The following TTC27 variants were observed in gnomAD, a reference collection of about 807,000 sequenced individuals.
TTC27 encodes tetratricopeptide repeat protein 27.
A neutral mutation model predicts 115.9 loss-of-function variants in TTC27; 79 were observed. That is an observed-to-expected ratio of 0.68 (90% CI 0.57 to 0.82). The LOEUF is 0.82. TTC27 is among the 40% of genes least tolerant of loss of function. The pLI is 0.00. For synonymous variants in TTC27, 401 were observed against 356.0 expected, an observed-to-expected ratio of 1.13 and a Z score of -1.42; for missense variants, 1,054 against 993.1, an observed-to-expected ratio of 1.06 and a Z score of -0.82.
intron 10 of TTC27, among the ~76,000 whole-genome samples, chr2:32,709,118 T>C (rs955656847): frequency 6.6e-5 from 10 of 152,222 alleles, no homozygotes; most frequent in Admixed American, 3.9e-4. Context: ...TAAACATTGA[T>C]GAATGATAAA....
intron 5 of TTC27, among the ~76,000 whole-genome samples, chr2:32,654,220 A>G (rs1451231893): frequency 6.6e-6 from 1 of 152,212 alleles, no homozygotes; most frequent in Admixed American, 6.5e-5. Context: ...GCTTTTTGCA[A>G]GCTGGTCAGT....
intron 13 of TTC27, among the ~76,000 whole-genome samples, chr2:32,765,167 G>A (rs1669582369): frequency 6.6e-6 from 1 of 152,106 alleles, no homozygotes; most frequent in Admixed American, 6.5e-5. Flanking sequence ...TATGTATGGT[G>A]GCTATATACC....
intron 13 of TTC27, among the ~76,000 whole-genome samples, chr2:32,771,447 A>G (rs1384631655): frequency 6.6e-6 from 1 of 152,232 alleles, no homozygotes; most frequent in Non-Finnish European, 1.5e-5. Flanking sequence ...AATTATTTGA[A>G]AAGACTCAGC....
chr2:32,668,209 A>G (rs961243236), intron 7 of TTC27, among the ~76,000 whole-genome samples: 7 of 151,546 alleles, frequency 4.6e-5, no homozygotes, highest in Non-Finnish European at 1.0e-4. Flanking sequence ...GAAAATAAAC[A>G]AAAAAACAAA....
intron 12 of TTC27, among the ~76,000 whole-genome samples, 174 bp from the exon 13 acceptor site, chr2:32,758,118 A>G (rs998940876): frequency 2.0e-5 from 3 of 152,144 alleles, no homozygotes; most frequent in Non-Finnish European, 4.4e-5. Context: ...GTATGCCTGT[A>G]TTTATTTTGT....
rs149852587 is a variant in TTC27, at chr2:32,640,810, C to A, written c.537+400C>A. Among the ~76,000 whole-genome samples the A allele has an allele frequency of 2.0e-3, 298 of 152,108 alleles. 12 individuals are homozygous for A. The East Asian group carries it at 0.049, about 25-fold the overall frequency. Reference sequence around the variant, plus strand: ...CCAGCCTGGCTAACATGGTGAAACCCCATCTCTACTAAAAATACAAAATTA... The same window carrying A: ...CCAGCCTGGCTAACATGGTGAAACCACATCTCTACTAAAAATACAAAATTA... On this transcript the variant is annotated intron_variant, in intron 4 of 19. Coordinates refer to ENST00000317907, the MANE Select transcript of TTC27 (RefSeq NM_017735.5).
At chr2:32,668,485 G>A (rs1158564608) in intron 7 of TTC27, among the ~76,000 whole-genome samples, 3 of 148,722 alleles carry the variant, frequency 2.0e-5, no homozygotes, top group Admixed American at 6.7e-5. Flanking sequence ...AATTTTAATC[G>A]TTTTTTTGCT....
At chr2:32,723,321 C>T (rs756850561) in intron 10 of TTC27, among the ~76,000 whole-genome samples, 20 of 152,000 alleles carry the variant, frequency 1.3e-4, no homozygotes, top group Non-Finnish European at 2.5e-4. Context: ...AACATATGTA[C>T]CAGCTCTTGG....
chr2:32,662,708 T>C (rs899443022), intron 5 of TTC27, among the ~76,000 whole-genome samples: 1 of 152,176 alleles, frequency 6.6e-6, no homozygotes, highest in East Asian at 1.9e-4. Context: ...GTTAACCTTT[T>C]CAAAAAACCA....
chr2:32,773,695 G>A (rs1669903795), intron 13 of TTC27, among the ~76,000 whole-genome samples: 1 of 152,230 alleles, frequency 6.6e-6, no homozygotes, highest in Non-Finnish European at 1.5e-5. Flanking sequence ...TGTGTGGAAA[G>A]CTCATGGTGT....
At chr2:32,645,206 C>T (rs1664809383) in intron 4 of TTC27, among the ~76,000 whole-genome samples, 1 of 152,172 alleles carries the variant, frequency 6.6e-6, no homozygotes, top group Admixed American at 6.5e-5. Context: ...AACCCCTAAT[C>T]TGTGAAGTAT....
intron 9 of TTC27, among the ~76,000 whole-genome samples, chr2:32,682,841 A>ATTTTTTTTTTTTTTT (rs1559204114): frequency 1.3e-5 from 1 of 77,480 alleles, no homozygotes; most frequent in African/African-American, 5.6e-5. Flanking sequence ...GATAATTTTT[A>ATTTTTTTTTTTTTTT]TTGTTGTTTT....
chr2:32,757,910 C>T (rs1489480347), intron 12 of TTC27, among the ~76,000 whole-genome samples: 2 of 152,130 alleles, frequency 1.3e-5, no homozygotes, highest in East Asian at 3.9e-4. Flanking sequence ...CCATATTGGC[C>T]AGGCTGGTCT....
chr2:32,741,067 T>C (rs1036059978), intron 12 of TTC27, among the ~76,000 whole-genome samples: 1 of 152,244 alleles, frequency 6.6e-6, no homozygotes, highest in African/African-American at 2.4e-5. Flanking sequence ...AGCAGTACTT[T>C]AATAGCTTGA....
intron 5 of TTC27, among the ~76,000 whole-genome samples, chr2:32,654,040 A>G (rs1257320404): frequency 1.3e-5 from 2 of 152,146 alleles, no homozygotes; most frequent in African/African-American, 2.4e-5. Flanking sequence ...TGTCTTTTCC[A>G]TATCTACAGC....
intron 5 of TTC27, among the ~76,000 whole-genome samples, chr2:32,656,985 CTT>C (rs11386617): frequency 2.2e-4 from 29 of 131,398 alleles, no homozygotes; most frequent in South Asian, 7.7e-4. Context: ...TAGCACAATT[CTT>C]TTTTTTTTTT....
intron 12 of TTC27, among the ~76,000 whole-genome samples, chr2:32,754,467 T>A (rs1021200148): frequency 9.4e-4 from 141 of 149,426 alleles, no homozygotes; most frequent in Non-Finnish European, 1.4e-3. Flanking sequence ...GGGGGTAAGG[T>A]CATAGATCAA....
intron 8 of TTC27, among the ~76,000 whole-genome samples, chr2:32,674,194 A>G (rs1224815005): frequency 1.3e-5 from 2 of 150,032 alleles, no homozygotes; most frequent in African/African-American, 4.9e-5. Context: ...ACTGTCGCCC[A>G]GGCTGGAGTG....
chr2:32,634,497 C>T (rs1157336302), intron 3 of TTC27, among the ~76,000 whole-genome samples: 4 of 151,620 alleles, frequency 2.6e-5, no homozygotes. Flanking sequence ...CCATGTTGCC[C>T]AGGCTGGTCT....
Sources: gnomAD v4.1 joint callset for allele counts (sites outside exome capture counted in the v4.1 genomes callset) on GRCh38, gnomAD v4.1.1 for gene constraint, MANE v1.5 for transcripts, NCBI Gene and HGNC (gene_info 2026-07-23, HGNC 2026-07-21) for gene names.